The following JAK1 variants were observed in gnomAD, a reference collection of about 807,000 sequenced individuals.
JAK1 encodes tyrosine-protein kinase JAK1.
In JAK1, 16 loss-of-function variants were observed where a neutral mutation model predicts 136.6. That is an observed-to-expected ratio of 0.12 (90% confidence interval 0.08 to 0.18). The LOEUF (loss-of-function observed/expected upper bound fraction) is 0.18, where lower values mean the gene tolerates loss of function less well. Among genes scored for constraint, JAK1 ranks in the 10% least tolerant of loss-of-function variants. JAK1 has a pLI of 1.00. For synonymous variants in JAK1, 492 were observed against 519.5 expected (o/e 0.95, Z 0.72); for missense variants, 859 against 1,450.1 (o/e 0.59, Z 6.62).
Position 65,060,186 on chromosome 1 carries a change from T to C in JAK1, c.-181+7418A>G, listed in dbSNP as rs184622965. 1.6e-4 allele frequency among the ~76,000 whole-genome samples: 25 copies of C among 152,168 alleles called. 1 individual carries two copies. The highest frequency in any genetic ancestry group is 3.9e-4 in the Admixed American group (6 of 15,300). ...CATAACCTAAGGTTCTTGGAAATAG[T>C]TGCACATTTTTACCCGAATTATAAA... is the stretch of plus-strand genomic sequence containing the variant. On this transcript the variant is annotated intron_variant, in intron 1 of 25. Transcript: ENST00000671954.
In JAK1 at chr1:64,989,312, G is replaced by C. The variant is rs542127501; in HGVS notation, c.-78+55168C>G. 5.5e-5 allele frequency: 8 copies of C among 146,514 alleles called. No homozygotes were observed. In the East Asian group the frequency reaches 1.4e-3, roughly 25 times the overall value. The allele number at this position is 146,514 out of a possible 1,614,324, so 9.1% of individuals were successfully genotyped here. On this transcript the variant is annotated intron_variant, in intron 2 of 25. Transcript: ENST00000671954. The stretch of plus-strand genomic sequence containing the variant: ...TGCACTCCAGCCTGGGCGACAAAGA[G>C]AGACTCCATCTCAAATAAATAAATA...
chr1:64,844,292 A>C lies in JAK1; in HGVS notation c.2252-77T>G. The C allele has an allele frequency of 6.4e-7, 1 of 1,562,692 alleles. No individual in the cohort carries two copies. The highest frequency in any genetic ancestry group is 1.1e-5 in the South Asian group (1 of 89,496). ...TTCAATTACTGTCACTGCAGCCAGAACAGTGAGCCAATGAAGGAACTACTT... is the reference window on the plus strand; with the variant it reads ...TTCAATTACTGTCACTGCAGCCAGACCAGTGAGCCAATGAAGGAACTACTT... On this transcript the variant is annotated intron_variant, in intron 16 of 24. Transcript: ENST00000342505. This position sits in a 1 kb window ranked among gnomAD's most constrained non-coding sequence, Gnocchi z 5.7.
chr1:64,872,749 TA>T (rs570605646), intron 5 of JAK1, among the ~76,000 whole-genome samples: 22 of 151,778 alleles, frequency 1.4e-4, no homozygotes, highest in Non-Finnish European at 2.4e-4. Context: ...GGACAAACAA[TA>T]AAAAAAATCA....
At chr1:64,930,382 A>G (rs11208542) in intron 1 of JAK1, among the ~76,000 whole-genome samples, 89,803 of 152,100 alleles carry the variant, frequency 0.59, 31,207 homozygotes, top group Middle Eastern at 0.82. Context: ...TATGTGGCCA[A>G]CAAACATAGG....
chr1:64,983,685 G>A (rs1646571787), intron 2 of JAK1, among the ~76,000 whole-genome samples: 1 of 152,178 alleles, frequency 6.6e-6, no homozygotes, highest in Non-Finnish European at 1.5e-5. Flanking sequence ...AGAAGGAACA[G>A]GCTTTCTAGA....
At chr1:65,027,432 T>C (rs535905257) in intron 2 of JAK1, among the ~76,000 whole-genome samples, 2 of 152,264 alleles carry the variant, frequency 1.3e-5, no homozygotes, top group South Asian at 4.1e-4. Context: ...CTCTGACTGA[T>C]GCCGGCAGAA....
Position 64,860,189 on chromosome 1 carries a change from G to C in JAK1, c.1250C>G (p.Ala417Gly), listed in dbSNP as rs777303853. 1 of 1,611,124 alleles carries C rather than the reference G, an allele frequency of 6.2e-7. No individual in the cohort carries two copies. Among genetic ancestry groups the C allele is most frequent in the Non-Finnish European group, 8.5e-7 (1 of 1,177,850 alleles). The change falls in exon 9 of 25, where the codon GCA becomes GGA. Residue 417 changes from alanine (A) to glycine (G), a missense_variant. Ala to Gly is a moderately conservative substitution (Grantham distance 60). This residue lies in a region of JAK1 where 409 missense variants were observed against 753.8 expected (regional missense o/e 0.54). Coordinates refer to ENST00000342505, the MANE Select transcript of JAK1 (RefSeq NM_002227.4). ...GGTGCAGAGGTAATGATGGGCATCTGCTGTGAGCCGGAAGTAGCCATCTAC... is the reference window on the plus strand; with the variant it reads ...GGTGCAGAGGTAATGATGGGCATCTCCTGTGAGCCGGAAGTAGCCATCTAC... ...SLVDGYFRLT[A>G]DAHHYLCTDV...
chr1:65,034,035 G>A (rs896359578), intron 2 of JAK1, among the ~76,000 whole-genome samples: 1 of 152,080 alleles, frequency 6.6e-6, no homozygotes, highest in African/African-American at 2.4e-5. Context: ...ACAGAAATAA[G>A]AAATTGATGT....
chr1:64,940,815 C>T (rs747783731), intron 1 of JAK1, among the ~76,000 whole-genome samples: 2 of 152,130 alleles, frequency 1.3e-5, no homozygotes, highest in South Asian at 2.1e-4. Flanking sequence ...TGTATTCAGT[C>T]GCTTCAGTTC....
chr1:64,843,596 T>C (rs541238794), intron 17 of JAK1, among the ~76,000 whole-genome samples: 2 of 152,292 alleles, frequency 1.3e-5, no homozygotes, highest in Admixed American at 6.5e-5. Flanking sequence ...CGTTGTTATT[T>C]TAGCCTAACT....
chr1:64,841,657 A>C, intron 17 of JAK1, 56 bp from the exon 18 acceptor site: 349 of 1,575,576 alleles, frequency 2.2e-4, no homozygotes, highest in Non-Finnish European at 2.8e-4. Flanking sequence ...CAAACTTCTC[A>C]GCCCCAGGTC....
At chr1:64,872,386 T>C (rs1280032192) in intron 5 of JAK1, among the ~76,000 whole-genome samples, 1 of 152,230 alleles carries the variant, frequency 6.6e-6, no homozygotes, top group Non-Finnish European at 1.5e-5. Flanking sequence ...GGATTCATTA[T>C]AAATGTTACC....
At chr1:64,901,783 C>G (rs776500682) in intron 1 of JAK1, among the ~76,000 whole-genome samples, 41 of 152,130 alleles carry the variant, frequency 2.7e-4, no homozygotes, top group Non-Finnish European at 5.4e-4. Context: ...AAAGAAACCC[C>G]ATGTCACTCT....
At chr1:64,905,779 G>A (rs1283700894) in intron 1 of JAK1, among the ~76,000 whole-genome samples, 1 of 152,170 alleles carries the variant, frequency 6.6e-6, no homozygotes, top group Non-Finnish European at 1.5e-5. Flanking sequence ...TTTTTGATGT[G>A]TGTTTATGTG....
intron 1 of JAK1, among the ~76,000 whole-genome samples, chr1:64,888,262 A>G (rs895740242): frequency 1.3e-5 from 2 of 152,168 alleles, no homozygotes; most frequent in Non-Finnish European, 2.9e-5. Flanking sequence ...GCTCACTGCA[A>G]CCTCTGCCTC....
At chr1:65,033,921 T>C (rs1647047822) in intron 2 of JAK1, among the ~76,000 whole-genome samples, 1 of 152,184 alleles carries the variant, frequency 6.6e-6, no homozygotes, top group African/African-American at 2.4e-5. Context: ...ATGAAGATGA[T>C]AATAATTACC....
rs191316690 is a variant in JAK1 at position 64,978,139 on chromosome 1, G to A, written c.-78+66341C>T. On this transcript the variant is annotated intron_variant, in intron 2 of 25. Transcript: ENST00000671954. Reference sequence around the variant, plus strand: ...CTAAAAATACAAAAATTAGCTGGGCGTGGTGGTGCGCGCCTGTAGTCCCAG... The same window carrying A: ...CTAAAAATACAAAAATTAGCTGGGCATGGTGGTGCGCGCCTGTAGTCCCAG... Among the ~76,000 whole-genome samples the A allele has an allele frequency of 1.4e-3, 207 of 152,172 alleles. 1 individual carries two copies. Among genetic ancestry groups the A allele is most frequent in the African/African-American group, 4.8e-3 (199 of 41,526 alleles).
chr1:64,907,341 T>C (rs1645206419), intron 1 of JAK1, among the ~76,000 whole-genome samples: 2 of 152,208 alleles, frequency 1.3e-5, no homozygotes, highest in South Asian at 4.1e-4. Flanking sequence ...AAAGAGAGAA[T>C]AACATTGTTC....
chr1:64,925,719 T>C (rs954369146), intron 1 of JAK1, among the ~76,000 whole-genome samples: 1 of 152,226 alleles, frequency 6.6e-6, no homozygotes, highest in African/African-American at 2.4e-5. Flanking sequence ...GCACATAGTG[T>C]CATGCACTTA....
Sources: gnomAD v4.1 joint callset for allele counts (sites outside exome capture counted in the v4.1 genomes callset) on GRCh38, gnomAD v4.1.1 for gene constraint, gnomAD v4.1.1 regional missense constraint, Gnocchi (gnomAD v3.1) non-coding constraint, MANE v1.5 for transcripts, NCBI Gene and HGNC (gene_info 2026-07-23, HGNC 2026-07-21) for gene names.